The following CEP192 variants were observed in gnomAD, a reference collection of about 807,000 sequenced individuals.
CEP192 encodes the protein centrosomal protein 192, also known as centrosomal protein of 192 kDa.
In CEP192, 151 loss-of-function variants were observed where a neutral mutation model predicts 271.8. The ratio of observed to expected loss-of-function variants is 0.56; its 90% CI spans 0.49 to 0.64. The LOEUF (loss-of-function observed/expected upper bound fraction) is 0.64. CEP192 is among the 30% of genes least tolerant of loss of function. The pLI is 0.00. For synonymous variants in CEP192, 995 were observed against 1,076.5 expected, an observed-to-expected ratio of 0.92 and a Z score of 1.48; for missense variants, 2,910 against 3,020.5, an observed-to-expected ratio of 0.96 and a Z score of 0.86.
intron 30 of CEP192, among the ~76,000 whole-genome samples, chr18:13,081,467 G>C (rs2038603270): frequency 6.6e-6 from 1 of 152,014 alleles, no homozygotes; most frequent in Non-Finnish European, 1.5e-5. Flanking sequence ...TATTTCTGTG[G>C]GATCGGTGGT....
intron 30 of CEP192, among the ~76,000 whole-genome samples, chr18:13,082,599 T>C (rs536943380): frequency 4.5e-4 from 68 of 152,268 alleles, no homozygotes; most frequent in Admixed American, 2.4e-3. Flanking sequence ...TGTCTTTTAA[T>C]TGGGGCATTT....
chr18:13,087,229 A>T lies in CEP192; in HGVS notation c.5829A>T (p.Val1943=). The change falls in exon 31 of 45, where the codon GTA becomes GTT. Residue 1943 remains valine, a synonymous_variant. Coordinates refer to ENST00000506447, the MANE Select transcript of CEP192 (RefSeq NM_032142.4). Reference sequence around the variant, plus strand: ...AAAAAGTTTTGCTGGATCCTAAAGTATTGAGGATTTTTCCAGATAAATTTG... The same window carrying T: ...AAAAAGTTTTGCTGGATCCTAAAGTTTTGAGGATTTTTCCAGATAAATTTG... ...SQKKVLLDPK[V]LRIFPDKFVL... is the part of the protein sequence containing the mutation. 6.2e-7 allele frequency: 1 copy of T among 1,611,188 alleles called. No individual in the cohort carries two copies. The highest frequency in any genetic ancestry group is 8.5e-7 in the Non-Finnish European group (1 of 1,177,456).
chr18:13,123,050 T>G (rs2040746200), intron 44 of CEP192, among the ~76,000 whole-genome samples: 1 of 152,218 alleles, frequency 6.6e-6, no homozygotes, highest in Admixed American at 6.5e-5. Flanking sequence ...AATTTTCAGG[T>G]TAATATAGAA....
At chr18:13,097,165 C>T (rs943428067) in intron 36 of CEP192, among the ~76,000 whole-genome samples, 5 of 152,168 alleles carry the variant, frequency 3.3e-5, no homozygotes, top group Admixed American at 1.3e-4. Flanking sequence ...TCTCATGTGC[C>T]ACACACCCTT....
At chr18:13,039,044 A>G (rs191111574) in intron 13 of CEP192, among the ~76,000 whole-genome samples, 1 of 152,250 alleles carries the variant, frequency 6.6e-6, no homozygotes, top group Non-Finnish European at 1.5e-5. Flanking sequence ...TAAAAAGACA[A>G]GTTATTCAGA....
chr18:13,018,145 C>T (rs1047920278), intron 7 of CEP192, among the ~76,000 whole-genome samples: 7 of 152,168 alleles, frequency 4.6e-5, no homozygotes, highest in Non-Finnish European at 1.0e-4. Context: ...ATCTCTCCCA[C>T]AATTGGTGAT....
chr18:13,112,523 C>T (rs553556659), intron 40 of CEP192, among the ~76,000 whole-genome samples: 1 of 152,272 alleles, frequency 6.6e-6, no homozygotes, highest in South Asian at 2.1e-4. Flanking sequence ...TGCAGTAATA[C>T]TAGTTTTCCC....
chr18:13,030,364 G>T, intron 10 of CEP192, 101 bp from the exon 11 acceptor site: 1 of 1,035,568 alleles, frequency 9.7e-7, no homozygotes, highest in Non-Finnish European at 1.4e-6. Context: ...CAGTACTGTT[G>T]ATAACTAAGG....
rs941184514 is a variant in CEP192 at position 13,067,814 on chromosome 18, CT to C, written c.4489-10del. 3.8e-6 allele frequency: 6 copies of C among 1,593,162 alleles called. No homozygotes were observed. The African/African-American group carries it at 4.0e-5, about 11-fold the overall frequency. On this transcript the variant is annotated splice_polypyrimidine_tract_variant and intron_variant, in intron 21 of 44. Transcript: ENST00000506447. ...TATATTGCTTTTCATAAATCATTCC[CT>C]TTTTTTGATAATTAGGTAGAAACAG...
rs766052923 is a variant in CEP192 at position 13,101,611 on chromosome 18, C to T, written c.6871+1099C>T. On this transcript the variant is annotated intron_variant, in intron 38 of 44. Transcript: ENST00000506447. ...TTAGAGAGGATATGGGTGCATCTCT[C>T]ACCTGCCCTCTAGCTCCTTGCCTCT... is the stretch of plus-strand genomic sequence containing the variant. Among the ~76,000 whole-genome samples, 4 of 152,104 alleles carry T rather than the reference C, an allele frequency of 2.6e-5. 1 individual carries two copies. The highest frequency in any genetic ancestry group is 4.1e-4 in the South Asian group (2 of 4,822).
chr18:13,048,466 T>C (rs1269198600), intron 15 of CEP192, among the ~76,000 whole-genome samples: 1 of 152,204 alleles, frequency 6.6e-6, no homozygotes, highest in Non-Finnish European at 1.5e-5. Context: ...AGCTATCAAG[T>C]GCTTCCTTCA....
intron 20 of CEP192, chr18:13,058,049 A>C (rs779028775): frequency 2.4e-5 from 4 of 167,242 alleles, no homozygotes; most frequent in Non-Finnish European, 3.8e-5. Flanking sequence ...AGTTTTGTTA[A>C]AGGTGATTGA....
chr18:13,103,624 T>A, intron 39 of CEP192, 36 bp downstream of exon 39: 1 of 1,449,996 alleles, frequency 6.9e-7, no homozygotes, highest in Non-Finnish European at 9.7e-7. Context: ...ATCGTTTTAA[T>A]GTTTAGACTT....
chr18:13,086,402 A>G lies in CEP192; in HGVS notation c.5617-615A>G, dbSNP rs549218601. On this transcript the variant is annotated intron_variant, in intron 30 of 44. Coordinates refer to ENST00000506447, the MANE Select transcript of CEP192 (RefSeq NM_032142.4). Reference sequence around the variant, plus strand: ...TGTCTTGCCTGATTGCCTTGGCCAAAACTTCCAATACTGTGTTGAATAGGA... The same window carrying G: ...TGTCTTGCCTGATTGCCTTGGCCAAGACTTCCAATACTGTGTTGAATAGGA... Among the ~76,000 whole-genome samples, 4 of 152,314 alleles carry G rather than the reference A, an allele frequency of 2.6e-5. No individual in the cohort carries two copies. In the East Asian group the frequency reaches 7.7e-4, roughly 29 times the overall value.
chr18:13,115,206 G>A (rs979212512), intron 42 of CEP192, among the ~76,000 whole-genome samples: 3 of 152,166 alleles, frequency 2.0e-5, no homozygotes, highest in Non-Finnish European at 4.4e-5. Context: ...TGAGCCCCGC[G>A]CCTCCACAGC....
chr18:13,062,828 A>C (rs1029971575), intron 21 of CEP192, among the ~76,000 whole-genome samples: 16 of 152,092 alleles, frequency 1.1e-4, no homozygotes, highest in Non-Finnish European at 7.4e-5. Flanking sequence ...GTCTTAATTC[A>C]TTCTTTCTAT....
intron 4 of CEP192, among the ~76,000 whole-genome samples, chr18:13,010,571 G>T (rs1367042650): frequency 1.3e-5 from 2 of 152,214 alleles, no homozygotes; most frequent in East Asian, 1.9e-4. Context: ...ACGGGGCCGG[G>T]CACGGTGGCT....
At chr18:13,043,345 T>A (rs2036310229) in intron 15 of CEP192, among the ~76,000 whole-genome samples, 2 of 152,230 alleles carry the variant, frequency 1.3e-5, no homozygotes, top group Admixed American at 1.3e-4. Context: ...ACTTTTTTAA[T>A]GGTATTTTTA....
chr18:13,117,535 A>G, intron 43 of CEP192, 50 bp from the exon 44 acceptor site: 2 of 1,366,494 alleles, frequency 1.5e-6, no homozygotes, highest in Non-Finnish European at 2.1e-6. Flanking sequence ...TATATATGCT[A>G]AAAGATCTAA....
Sources: allele counts gnomAD v4.1 joint callset (sites outside exome capture counted in the v4.1 genomes callset), GRCh38; gene constraint gnomAD v4.1.1; transcripts MANE v1.5; gene names NCBI Gene and HGNC (gene_info 2026-07-23, HGNC 2026-07-21).